AEBP2: variants seen among roughly 807,000 people sequenced by gnomAD.
AEBP2 encodes the protein AE binding protein 2, also known as zinc finger protein AEBP2.
A neutral mutation model predicts 50.8 loss-of-function variants in AEBP2; 10 were observed. That is an observed-to-expected ratio of 0.20 (90% CI 0.12 to 0.33). AEBP2 has a LOEUF of 0.33. Among genes scored for constraint, AEBP2 ranks in the 10% least tolerant of loss-of-function variants. The pLI, the probability that AEBP2 is intolerant of heterozygous loss-of-function variation, is 1.00. For missense variants in AEBP2, 570 were observed against 688.0 expected, an observed-to-expected ratio of 0.83 and a Z score of 1.92; for synonymous variants, 296 against 261.3, an observed-to-expected ratio of 1.13 and a Z score of -1.28.
intron 6 of AEBP2, among the ~76,000 whole-genome samples, chr12:19,513,576 T>C (rs1488575018): frequency 1.3e-5 from 2 of 152,092 alleles, no homozygotes; most frequent in African/African-American, 4.8e-5. Flanking sequence ...CTGGGCAGTA[T>C]AGTGAATCCT....
chr12:19,458,508 T>C (rs773895408), intron 1 of AEBP2, among the ~76,000 whole-genome samples: 1 of 152,232 alleles, frequency 6.6e-6, no homozygotes, highest in Non-Finnish European at 1.5e-5. Flanking sequence ...TACATTATGT[T>C]GTCTTTATGA....
chr12:19,444,798 A>G (rs111346782), intron 1 of AEBP2, among the ~76,000 whole-genome samples: 3 of 152,272 alleles, frequency 2.0e-5, no homozygotes, highest in Non-Finnish European at 4.4e-5. Context: ...CTTTTTTAGT[A>G]TCTTTGTAAG....
At chr12:19,466,668 A>G (rs1948482163) in intron 2 of AEBP2, 1 of 306,562 alleles carries the variant, frequency 3.3e-6, no homozygotes, top group Non-Finnish European at 4.8e-6. Flanking sequence ...TGTTGTAGGT[A>G]TCTAATATAA....
chr12:19,500,518 A>ACCAGGTGTCT (rs1390434919), intron 5 of AEBP2, among the ~76,000 whole-genome samples: 1 of 152,150 alleles, frequency 6.6e-6, no homozygotes, highest in Non-Finnish European at 1.5e-5. Context: ...CATTAGCTAA[A>ACCAGGTGTCT]CCAGGTGTCT....
At chr12:19,492,329 A>C (rs1339347861) in intron 3 of AEBP2, among the ~76,000 whole-genome samples, 5 of 152,156 alleles carry the variant, frequency 3.3e-5, no homozygotes, top group Admixed American at 3.3e-4. Context: ...ACCGCAGTTA[A>C]TTTGTATATA....
At chr12:19,505,264 A>C (rs1015991565) in intron 5 of AEBP2, among the ~76,000 whole-genome samples, 1 of 152,172 alleles carries the variant, frequency 6.6e-6, no homozygotes, top group African/African-American at 2.4e-5. Context: ...CAGGTCAGTA[A>C]GATGTTGTCA....
intron 1 of AEBP2, chr12:19,440,852 C>G (rs1057232864): frequency 8.2e-7 from 1 of 1,217,932 alleles, no homozygotes; most frequent in Admixed American, 2.3e-5. Flanking sequence ...CCCCAGCTAT[C>G]ACTTTTCTCT....
chr12:19,441,597 G>T (rs1051644900), intron 1 of AEBP2, among the ~76,000 whole-genome samples: 1 of 152,168 alleles, frequency 6.6e-6, no homozygotes, highest in African/African-American at 2.4e-5. Flanking sequence ...AATGCTACAA[G>T]TAATACAGAG....
chr12:19,518,367 G>A lies in AEBP2; in HGVS notation c.*250G>A. Reference sequence around the variant, plus strand: ...TCATGGAATGGTACTGTGGGAGACTGAGCAAACACTCTTTTGGCAACTTAG... The same window carrying A: ...TCATGGAATGGTACTGTGGGAGACTAAGCAAACACTCTTTTGGCAACTTAG... On this transcript the variant is annotated 3_prime_UTR_variant, in exon 8 of 8. Transcript: ENST00000266508. The A allele has an allele frequency of 7.3e-6, 9 of 1,230,232 alleles. No homozygotes were observed. The highest frequency in any genetic ancestry group is 9.1e-6 in the Non-Finnish European group (9 of 985,176). 76.2% of individuals were successfully genotyped at this position (1,230,232 alleles called of 1,614,324 possible).
At position 19,482,642 on chromosome 12, in the gene AEBP2, G is replaced by A. The variant is rs116314969; in HGVS notation, c.987+9287G>A. Among the ~76,000 whole-genome samples the A allele has an allele frequency of 4.5e-3, 690 of 152,280 alleles. 6 individuals are homozygous for A. The highest frequency in any genetic ancestry group is 0.015 in the African/African-American group (607 of 41,544). The stretch of plus-strand genomic sequence containing the variant: ...CTGGGCAAGTATTTTGGCTTCTGGC[G>A]AGATGGGTGGGGCTATGTTTCCTGT... On this transcript the variant is annotated intron_variant, in intron 3 of 7. Transcript: ENST00000266508.
At chr12:19,486,583 A>C (rs1446527327) in intron 3 of AEBP2, among the ~76,000 whole-genome samples, 2 of 151,942 alleles carry the variant, frequency 1.3e-5, no homozygotes, top group Non-Finnish European at 2.9e-5. Context: ...GGGTTTTGCC[A>C]CGTTGCCCAG....
At chr12:19,466,455 A>T (rs1173971960) in intron 2 of AEBP2, among the ~76,000 whole-genome samples, 2 of 152,212 alleles carry the variant, frequency 1.3e-5, no homozygotes, top group Admixed American at 1.3e-4. Context: ...TGTCTCAAAA[A>T]AAAGAACAAA....
chr12:19,480,202 A>G (rs1948706800), intron 3 of AEBP2, among the ~76,000 whole-genome samples: 1 of 152,140 alleles, frequency 6.6e-6, no homozygotes, highest in African/African-American at 2.4e-5. Context: ...TCTTGGGTTC[A>G]AGCAATTCTG....
chr12:19,423,999 G>C (rs1305464089), intron 1 of AEBP2, among the ~76,000 whole-genome samples: 1 of 152,212 alleles, frequency 6.6e-6, no homozygotes, highest in Non-Finnish European at 1.5e-5. Flanking sequence ...CTGTACGGCA[G>C]CATGGAGGAT....
chr12:19,514,855 T>A, intron 7 of AEBP2, 71 bp downstream of exon 7: 1 of 1,189,624 alleles, frequency 8.4e-7, no homozygotes, highest in Non-Finnish European at 1.2e-6. Flanking sequence ...TTGGATAAAT[T>A]AGGACTTAGT....
chr12:19,510,911 A>C (rs1489099371), intron 5 of AEBP2, among the ~76,000 whole-genome samples: 2 of 119,216 alleles, frequency 1.7e-5, no homozygotes, highest in African/African-American at 6.8e-5. Context: ...CTCAGCCTGG[A>C]GTGCAGTGGC....
intron 4 of AEBP2, among the ~76,000 whole-genome samples, chr12:19,497,125 A>G (rs890825108): frequency 1.3e-5 from 2 of 151,798 alleles, no homozygotes; most frequent in East Asian, 3.9e-4. Flanking sequence ...AGATTTACCA[A>G]TATGGTACAT....
At chr12:19,429,863 C>T (rs1190308200) in intron 1 of AEBP2, among the ~76,000 whole-genome samples, 3 of 151,302 alleles carry the variant, frequency 2.0e-5, no homozygotes, top group Non-Finnish European at 4.4e-5. Flanking sequence ...GTTCATTGTA[C>T]ATTCTGAATA....
intron 1 of AEBP2, chr12:19,413,149 A>G (rs949167989): frequency 1.2e-5 from 9 of 733,056 alleles, no homozygotes; most frequent in Middle Eastern, 6.5e-4. Context: ...AGTTTAGCCG[A>G]CAGGATCCTG....
Sources: allele counts gnomAD v4.1 joint callset (sites outside exome capture counted in the v4.1 genomes callset), GRCh38; gene constraint gnomAD v4.1.1; transcripts MANE v1.5; gene names NCBI Gene and HGNC (gene_info 2026-07-23, HGNC 2026-07-21).